Variants in NRXN1 observed in about 807,000 individuals in gnomAD.
The protein encoded by NRXN1 is neurexin 1, also known as neurexin-1.
Under a neutral mutation model 150.9 loss-of-function variants are expected in NRXN1, and 39 were observed. That is an observed-to-expected ratio of 0.26 (90% confidence interval 0.20 to 0.34). NRXN1 has a LOEUF of 0.34. Among genes scored for constraint, NRXN1 ranks in the 10% least tolerant of loss-of-function variants. NRXN1 has a pLI of 1.00. For missense variants in NRXN1, 1,815 were observed against 1,949.9 expected, an observed-to-expected ratio of 0.93 and a Z score of 1.30; for synonymous variants, 924 against 757.0, an observed-to-expected ratio of 1.22 and a Z score of -3.62.
intron 5 of NRXN1, among the ~76,000 whole-genome samples, chr2:50,712,013 C>G (rs1031005486): frequency 6.6e-6 from 1 of 152,068 alleles, no homozygotes; most frequent in Non-Finnish European, 1.5e-5. Flanking sequence ...AATATTTTGT[C>G]ACAGCAGCAC....
chr2:50,916,311 A>G (rs1685206290), intron 5 of NRXN1, among the ~76,000 whole-genome samples: 1 of 151,170 alleles, frequency 6.6e-6, no homozygotes, highest in African/African-American at 2.4e-5. Flanking sequence ...TTTTTAGAAG[A>G]TCTCTAATAT....
rs183989479 is a variant in NRXN1 at position 50,262,909 on chromosome 2, G to T, written c.3365-25939C>A. Among the ~76,000 whole-genome samples the T allele has an allele frequency of 3.5e-3, 534 of 152,018 alleles. 2 individuals carry two copies. Among genetic ancestry groups the T allele is most frequent in the African/African-American group, 0.012 (497 of 41,512 alleles). ...CTTATGTGTTGGAGTTTTTGGCAAAGAATTTAAAGTCCTTCATAGATACCC... is the reference window on the plus strand; with the variant it reads ...CTTATGTGTTGGAGTTTTTGGCAAATAATTTAAAGTCCTTCATAGATACCC... On this transcript the variant is annotated intron_variant, in intron 17 of 22. Coordinates refer to ENST00000401669, the MANE Select transcript of NRXN1 (RefSeq NM_001330078.2).
chr2:50,566,881 T>A (rs1271425711), intron 8 of NRXN1, among the ~76,000 whole-genome samples: 1 of 152,064 alleles, frequency 6.6e-6, no homozygotes, highest in South Asian at 2.1e-4. Flanking sequence ...ACTTTCTCAA[T>A]CTCATCATCA....
chr2:50,507,948 C>A (rs568296808), intron 12 of NRXN1, among the ~76,000 whole-genome samples: 11 of 148,494 alleles, frequency 7.4e-5, no homozygotes, highest in African/African-American at 1.7e-4. Context: ...CCAAGGATCA[C>A]GGGAGGATAT....
intron 17 of NRXN1, among the ~76,000 whole-genome samples, chr2:50,272,413 C>T (rs2069813283): frequency 6.6e-6 from 1 of 152,144 alleles, no homozygotes; most frequent in Admixed American, 6.6e-5. Flanking sequence ...TTCAATAAAA[C>T]TTGATACTGA....
At chr2:49,961,529 A>G (rs1216265520) in intron 21 of NRXN1, among the ~76,000 whole-genome samples, 3 of 152,152 alleles carry the variant, frequency 2.0e-5, no homozygotes, top group Non-Finnish European at 4.4e-5. Flanking sequence ...AAAGAAAAAC[A>G]ACCCAGAAAA....
At chr2:50,079,984 G>A (rs1217346233) in intron 19 of NRXN1, among the ~76,000 whole-genome samples, 1 of 151,926 alleles carries the variant, frequency 6.6e-6, no homozygotes, top group East Asian at 1.9e-4. Flanking sequence ...TTCAGTAAAT[G>A]GCATGCAATT....
At chr2:50,457,638 A>G (rs1472081491) in intron 17 of NRXN1, among the ~76,000 whole-genome samples, 1 of 152,148 alleles carries the variant, frequency 6.6e-6, no homozygotes, top group Non-Finnish European at 1.5e-5. Context: ...AAATAATTGA[A>G]TTTTTAAAAT....
chr2:50,276,057 G>A (rs1238269788), intron 17 of NRXN1, among the ~76,000 whole-genome samples: 5 of 149,372 alleles, frequency 3.3e-5, no homozygotes, highest in Non-Finnish European at 1.5e-5. Context: ...CTGCAAAATG[G>A]AAATATTTAA....
At chr2:50,735,446 A>G (rs1318419312) in intron 5 of NRXN1, among the ~76,000 whole-genome samples, 1 of 152,200 alleles carries the variant, frequency 6.6e-6, no homozygotes, top group Non-Finnish European at 1.5e-5. Context: ...CACACAATTT[A>G]CAGTCCTAGA....
chr2:50,199,500 G>T (rs991203790), intron 18 of NRXN1, among the ~76,000 whole-genome samples: 1 of 150,486 alleles, frequency 6.6e-6, no homozygotes, highest in African/African-American at 2.5e-5. Flanking sequence ...GTATGCCAAA[G>T]TAATCGCTCT....
At position 50,487,257 on chromosome 2, in the gene NRXN1, C is replaced by T. The variant is rs185077397; in HGVS notation, c.3070+8648G>A. Among the ~76,000 whole-genome samples, 10 of 152,278 alleles carry T rather than the reference C, an allele frequency of 6.6e-5. No homozygotes were observed. The East Asian group carries it at 7.8e-4, about 12-fold the overall frequency. On this transcript the variant is annotated intron_variant, in intron 15 of 22. Coordinates refer to ENST00000401669, the MANE Select transcript of NRXN1 (RefSeq NM_001330078.2). The stretch of plus-strand genomic sequence containing the variant: ...ATACACAAAAGAAATGGCAGAGATG[C>T]TATTTCACCCAGGTCTTTCTGACGT...
intron 18 of NRXN1, among the ~76,000 whole-genome samples, chr2:50,103,777 T>C (rs1468436488): frequency 1.3e-5 from 2 of 152,002 alleles, no homozygotes; most frequent in Non-Finnish European, 2.9e-5. Flanking sequence ...AGCAAGAGAA[T>C]ATTTTGAAGA....
Position 50,599,302 on chromosome 2 carries a change from T to C in NRXN1, c.1320+20720A>G, listed in dbSNP as rs1675845911. Among the ~76,000 whole-genome samples the C allele has an allele frequency of 2.6e-5, 4 of 152,108 alleles. No individual in the cohort carries two copies. The South Asian group carries it at 8.3e-4, about 32-fold the overall frequency. On this transcript the variant is annotated intron_variant, in intron 8 of 22. Transcript: ENST00000401669. ...GCTCACTAAGAAAGCCTTATAAAAATTCAGCCCTTACAAAAATGGGCAAGC... is the reference window on the plus strand; with the variant it reads ...GCTCACTAAGAAAGCCTTATAAAAACTCAGCCCTTACAAAAATGGGCAAGC...
intron 5 of NRXN1, among the ~76,000 whole-genome samples, chr2:50,684,607 T>C (rs1030233403): frequency 3.3e-5 from 5 of 152,172 alleles, no homozygotes; most frequent in African/African-American, 7.2e-5. Flanking sequence ...AGGTAAGTTG[T>C]TCCTCAACTA....
intron 18 of NRXN1, among the ~76,000 whole-genome samples, chr2:50,136,498 G>A (rs1047997730): frequency 6.6e-6 from 1 of 152,106 alleles, no homozygotes. Context: ...TAATATCACA[G>A]CTTGTAATAT....
chr2:50,984,438 G>A (rs899041944), intron 2 of NRXN1, among the ~76,000 whole-genome samples: 30 of 151,882 alleles, frequency 2.0e-4, no homozygotes, highest in African/African-American at 7.0e-4. Context: ...GTCCATTACC[G>A]AAAAAGTTTG....
chr2:50,364,475 T>C (rs1319250632), intron 17 of NRXN1, among the ~76,000 whole-genome samples: 1 of 152,112 alleles, frequency 6.6e-6, no homozygotes, highest in Non-Finnish European at 1.5e-5. Flanking sequence ...CAGTAGCATA[T>C]AAAACAGCTA....
chr2:50,622,659 T>C (rs1330024409), intron 6 of NRXN1, among the ~76,000 whole-genome samples: 1 of 152,172 alleles, frequency 6.6e-6, no homozygotes, highest in Non-Finnish European at 1.5e-5. Flanking sequence ...GTATATAGCA[T>C]CTTGAAAAAG....
Sources: allele counts gnomAD v4.1 joint callset (sites outside exome capture counted in the v4.1 genomes callset), GRCh38; gene constraint gnomAD v4.1.1; transcripts MANE v1.5; gene names NCBI Gene and HGNC (gene_info 2026-07-23, HGNC 2026-07-21).